The following DOCK4 variants were observed in gnomAD, a reference collection of about 807,000 sequenced individuals.
DOCK4 encodes dedicator of cytokinesis protein 4.
DOCK4 carries 97 observed loss-of-function variants against 268.1 expected under a neutral mutation model. That is an observed-to-expected ratio of 0.36 (90% confidence interval 0.31 to 0.43). The LOEUF (loss-of-function observed/expected upper bound fraction) is 0.43. DOCK4 is among the 20% of genes least tolerant of loss of function. DOCK4 has a pLI of 1.00. For synonymous variants in DOCK4, 954 were observed against 887.2 expected, an observed-to-expected ratio of 1.08 and a Z score of -1.34; for missense variants, 2,145 against 2,455.7, an observed-to-expected ratio of 0.87 and a Z score of 2.67.
At chr7:111,998,334 A>G in intron 4 of DOCK4, 114 bp downstream of exon 4, 1 of 803,198 alleles carries the variant, frequency 1.2e-6, no homozygotes, top group South Asian at 2.3e-5. Flanking sequence ...AACACAGACA[A>G]TGGTATGATC....
chr7:111,916,980 GTTTTTTTTTTT>G (rs749349556), intron 12 of DOCK4, among the ~76,000 whole-genome samples: 23,477 of 84,114 alleles, frequency 0.28, 2,229 homozygotes, highest in Non-Finnish European at 0.31. Flanking sequence ...TTTCCCCCAT[GTTTTTTTTTTT>G]TTTTTTTTTT....
At chr7:111,897,873 A>G (rs1304863001) in intron 15 of DOCK4, among the ~76,000 whole-genome samples, 1 of 152,206 alleles carries the variant, frequency 6.6e-6, no homozygotes, top group Non-Finnish European at 1.5e-5. Flanking sequence ...CCACTTAATT[A>G]AATGATCACT....
chr7:112,119,290 T>C (rs972207714), intron 1 of DOCK4, among the ~76,000 whole-genome samples: 1 of 152,104 alleles, frequency 6.6e-6, no homozygotes, highest in Non-Finnish European at 1.5e-5. Flanking sequence ...CCCTGCCGCT[T>C]TTAGCCTCTG....
intron 23 of DOCK4, among the ~76,000 whole-genome samples, chr7:111,848,670 A>T (rs1285861060): frequency 6.6e-6 from 1 of 152,172 alleles, no homozygotes; most frequent in African/African-American, 2.4e-5. Context: ...GGGGACTCTA[A>T]GGCCAATTCA....
At chr7:111,920,255 C>G (rs1471826970) in intron 12 of DOCK4, among the ~76,000 whole-genome samples, 1 of 152,146 alleles carries the variant, frequency 6.6e-6, no homozygotes, top group Non-Finnish European at 1.5e-5. Context: ...TAATAATATA[C>G]TGCATACTTA....
At chr7:112,131,535 T>C (rs1226070663) in intron 1 of DOCK4, among the ~76,000 whole-genome samples, 1 of 152,082 alleles carries the variant, frequency 6.6e-6, no homozygotes, top group African/African-American at 2.4e-5. Flanking sequence ...CCAAAGACAA[T>C]ACCTCTCAAT....
chr7:111,995,947 C>T (rs913181177), intron 4 of DOCK4, among the ~76,000 whole-genome samples: 1 of 152,160 alleles, frequency 6.6e-6, no homozygotes, highest in Admixed American at 6.5e-5. Flanking sequence ...TTTATTAAGT[C>T]TGTATATGAC....
chr7:111,897,538 C>T (rs1808857770), intron 15 of DOCK4, among the ~76,000 whole-genome samples: 1 of 152,182 alleles, frequency 6.6e-6, no homozygotes, highest in South Asian at 2.1e-4. Context: ...CTGGATCATA[C>T]TGGCCCGTAA....
Position 111,728,529 on chromosome 7 carries a change from C to A in DOCK4, c.5673G>T (p.Val1891=), listed in dbSNP as rs747210564. The A allele has an allele frequency of 1.2e-6, 2 of 1,613,216 alleles. No homozygotes were observed. The highest frequency in any genetic ancestry group is 1.3e-5 in the African/African-American group (1 of 74,904). ...QSAPLPVPVP[V]PVPSYGGEEP... is the part of the protein sequence containing the mutation. ...CCTCCCCGCCGTAGCTCGGCACGGG[C>A]ACCGGCACTGGCACCGGCAGGGGGG... The change falls in exon 53 of 53, where the codon GTG becomes GTT. Residue 1891 remains valine (V), a synonymous_variant. Coordinates refer to ENST00000428084, the MANE Select transcript of DOCK4 (RefSeq NM_001363540.2).
At position 112,008,560 on chromosome 7, in the gene DOCK4, T is replaced by C. The variant is rs139807231; in HGVS notation, c.38-4429A>G. On this transcript the variant is annotated intron_variant, in intron 1 of 52. Coordinates refer to ENST00000428084, the MANE Select transcript of DOCK4 (RefSeq NM_001363540.2). ...AAAGAAGGTAAATGATGCAGTGAAA[T>C]GGGGACTCATTCCTTGGTTTCAATG... Among the ~76,000 whole-genome samples the C allele has an allele frequency of 3.7e-3, 569 of 152,308 alleles. 1 individual carries two copies. The highest frequency in any genetic ancestry group is 5.1e-3 in the Non-Finnish European group (348 of 68,024).
chr7:111,995,702 T>C (rs1479582129), intron 4 of DOCK4, among the ~76,000 whole-genome samples: 1 of 152,176 alleles, frequency 6.6e-6, no homozygotes, highest in Non-Finnish European at 1.5e-5. Context: ...GTCCAAAGTG[T>C]ATATAATTGT....
intron 12 of DOCK4, among the ~76,000 whole-genome samples, chr7:111,923,582 A>C (rs569468664): frequency 6.6e-6 from 1 of 152,278 alleles, no homozygotes; most frequent in South Asian, 2.1e-4. Context: ...CCTCTGCAAA[A>C]GTTATTTAAT....
At chr7:111,934,988 G>A (rs1414306335) in intron 12 of DOCK4, among the ~76,000 whole-genome samples, 2 of 150,204 alleles carry the variant, frequency 1.3e-5, no homozygotes, top group East Asian at 3.9e-4. Context: ...ACTGTGTCAC[G>A]CAGGCTGGAG....
intron 16 of DOCK4, among the ~76,000 whole-genome samples, chr7:111,881,911 G>T (rs934836394): frequency 6.6e-6 from 1 of 152,202 alleles, no homozygotes; most frequent in Non-Finnish European, 1.5e-5. Flanking sequence ...GAGAGTAGGG[G>T]ATGGTTACCA....
chr7:111,783,567 GA>G (rs1231706664), intron 34 of DOCK4, among the ~76,000 whole-genome samples: 1 of 148,884 alleles, frequency 6.7e-6, no homozygotes, highest in Non-Finnish European at 1.5e-5. Flanking sequence ...CCAAAATAAA[GA>G]TTTTTTTTTT....
At chr7:112,162,586 A>G (rs1478613412) in intron 1 of DOCK4, among the ~76,000 whole-genome samples, 2 of 148,706 alleles carry the variant, frequency 1.3e-5, no homozygotes, top group Non-Finnish European at 1.5e-5. Flanking sequence ...CTCTTTTTCT[A>G]TCCAAAATCC....
At chr7:111,877,879 G>T (rs898266778) in intron 16 of DOCK4, among the ~76,000 whole-genome samples, 3 of 152,180 alleles carry the variant, frequency 2.0e-5, no homozygotes, top group Non-Finnish European at 1.5e-5. Context: ...TGATGCCAAT[G>T]TAGCGACATA....
At chr7:111,971,728 C>A in intron 8 of DOCK4, 1 of 321,386 alleles carries the variant, frequency 3.1e-6, no homozygotes, top group South Asian at 4.5e-5. Flanking sequence ...GCTTATGCAG[C>A]TGAGTAGCTG....
Position 112,141,223 on chromosome 7 carries a change from G to A in DOCK4, c.37+64879C>T, listed in dbSNP as rs564488843. On this transcript the variant is annotated intron_variant, in intron 1 of 52. Coordinates refer to ENST00000428084, the MANE Select transcript of DOCK4 (RefSeq NM_001363540.2). ...ACCCCTCTGAAAAATCCTCAATCCC[G>A]AATCCCACAGCAATCCTCTACCATA... Among the ~76,000 whole-genome samples, 7 of 152,200 alleles carry A rather than the reference G, an allele frequency of 4.6e-5. No individual in the cohort carries two copies. In the East Asian group the frequency reaches 5.8e-4, roughly 13 times the overall value.
Sources: gnomAD v4.1 joint callset for allele counts (sites outside exome capture counted in the v4.1 genomes callset) on GRCh38, gnomAD v4.1.1 for gene constraint, MANE v1.5 for transcripts, NCBI Gene and HGNC (gene_info 2026-07-23, HGNC 2026-07-21) for gene names.